FANCD2: variants seen among roughly 807,000 people sequenced by gnomAD.
FANCD2 encodes the protein FA complementation group D2.
Under a neutral mutation model 192.3 loss-of-function variants are expected in FANCD2, and 131 were observed. The observed-to-expected ratio is 0.68, with a 90% CI of 0.59 to 0.79. The LOEUF (loss-of-function observed/expected upper bound fraction) is 0.79. FANCD2 is among the 30% of genes least tolerant of loss of function. The pLI, the probability that FANCD2 is intolerant of heterozygous loss-of-function variation, is 0.00. For synonymous variants in FANCD2, 524 were observed against 612.5 expected (o/e 0.86, Z 2.13); for missense variants, 1,508 against 1,701.6 (o/e 0.89, Z 2.00).
intron 9 of FANCD2, chr3:10,041,355 C>T (rs938445902): frequency 2.1e-5 from 8 of 383,368 alleles, no homozygotes; most frequent in Non-Finnish European, 3.9e-5. Flanking sequence ...AGGATACATA[C>T]CAAACTAAAT....
chr3:10,061,126 G>A (rs1266112505), intron 19 of FANCD2, among the ~76,000 whole-genome samples: 1 of 152,138 alleles, frequency 6.6e-6, no homozygotes, highest in African/African-American at 2.4e-5. Context: ...CTGCAACTTT[G>A]GCATTATCAG....
At chr3:10,064,490 A>G (rs1192667340) in intron 22 of FANCD2, 61 bp downstream of exon 22, 2 of 1,465,192 alleles carry the variant, frequency 1.4e-6, no homozygotes, top group African/African-American at 2.8e-5. Flanking sequence ...TTCTGTCAGT[A>G]GCTGATACAA....
intron 19 of FANCD2, among the ~76,000 whole-genome samples, chr3:10,061,440 TGAA>T (rs1197976881): frequency 6.6e-6 from 1 of 152,190 alleles, no homozygotes; most frequent in Non-Finnish European, 1.5e-5. Context: ...GTTCAGTCAG[TGAA>T]GCCATACTGG....
intron 9 of FANCD2, chr3:10,041,222 A>G (rs752520384): frequency 6.6e-5 from 15 of 225,744 alleles, no homozygotes; most frequent in Non-Finnish European, 3.5e-5. Context: ...AACAAAAAAA[A>G]AAGCAATCTA....
chr3:10,081,375 T>C lies in FANCD2; in HGVS notation c.3135T>C (p.Val1045=). The C allele has an allele frequency of 6.2e-7, 1 of 1,614,104 alleles. No homozygotes were observed. The highest frequency in any genetic ancestry group is 8.5e-7 in the Non-Finnish European group (1 of 1,179,964). ...TAGCTGCTGAGAATCACGGTGTAGT[T>C]GATGGACCAGGAGTGAAAGTTCAGG... ...QCLAAENHGV[V]DGPGVKVQEY... is the part of the protein sequence containing the mutation. The change falls in exon 32 of 44, where the codon GTT becomes GTC. Residue 1045 remains valine, a synonymous_variant. Coordinates refer to ENST00000675286, the MANE Select transcript of FANCD2 (RefSeq NM_001018115.3).
intron 29 of FANCD2, among the ~76,000 whole-genome samples, 169 bp downstream of exon 29, chr3:10,074,842 TA>T (rs2125050386): frequency 6.6e-6 from 1 of 152,356 alleles, no homozygotes; most frequent in South Asian, 2.1e-4. Context: ...CTGGTGTTTG[TA>T]AGTCATAAGG....
At chr3:10,029,445 G>T (rs973353201) in intron 2 of FANCD2, among the ~76,000 whole-genome samples, 2 of 152,116 alleles carry the variant, frequency 1.3e-5, no homozygotes, top group Non-Finnish European at 2.9e-5. Context: ...AGGGTGCAAT[G>T]AGTCAATAAC....
chr3:10,060,182 A>C (rs1186260341), intron 18 of FANCD2, 112 bp from the exon 19 acceptor site: 7 of 729,688 alleles, frequency 9.6e-6, no homozygotes, highest in African/African-American at 5.4e-5. Context: ...AAAAAAAAAA[A>C]CAGTTAGTAA....
At chr3:10,054,388 T>TAC (rs2087320274) in intron 18 of FANCD2, among the ~76,000 whole-genome samples, 3 of 117,566 alleles carry the variant, frequency 2.6e-5, no homozygotes, top group East Asian at 2.2e-4. Flanking sequence ...CATATATATA[T>TAC]GTATATACGT....
At chr3:10,062,084 C>T (rs1230605855) in intron 19 of FANCD2, 67 bp from the exon 20 acceptor site, 140 of 1,213,914 alleles carry the variant, frequency 1.2e-4, no homozygotes, top group Non-Finnish European at 1.6e-4. Flanking sequence ...CAAACCTGCA[C>T]GTTGTGCACA....
rs758210208 is a variant in FANCD2 at position 10,098,743 on chromosome 3, T to C, written c.4209T>C (p.Asn1403=). 1.9e-6 allele frequency: 3 copies of C among 1,614,144 alleles called. No homozygotes were observed. In the Admixed American group the frequency reaches 5.0e-5, roughly 27 times the overall value. Residue 1403 remains asparagine (N), a synonymous_variant, in exon 43 of 44, where the codon AAT becomes AAC. Transcript: ENST00000675286. ...DLQGEEIKSQ[N]SQESTADESE... ...AGGGTGAAGAGATTAAGTCCCAAAA[T>C]TCCCAGGAGAGCACAGCAGATGAGA...
At chr3:10,069,534 G>A (rs2087819283) in intron 26 of FANCD2, among the ~76,000 whole-genome samples, 2 of 140,766 alleles carry the variant, frequency 1.4e-5, no homozygotes, top group South Asian at 4.4e-4. Flanking sequence ...CTGTACTGCT[G>A]CCATCTCGGC....
chr3:10,064,831 T>C lies in FANCD2; in HGVS notation c.2124T>C (p.Phe708=), dbSNP rs9809716. ...TGCCGCTGCTGTTTTCTCAGGACTT[T>C]GCAAAAGATGGGGGTCCGGTGACCT... The part of the protein sequence containing the change: ...NLLPLLFSQD[F]AKDGGPVTSQ... The change falls in exon 23 of 44, where the codon TTT becomes TTC. Residue 708 remains phenylalanine (F), a synonymous_variant. Transcript: ENST00000675286. 7,461 of 1,613,774 alleles carry C rather than the reference T, an allele frequency of 4.6e-3. 148 individuals are homozygous for C. In the African/African-American group the frequency reaches 0.088, roughly 19 times the overall value.
At chr3:10,031,910 G>T (rs965303968) in intron 2 of FANCD2, among the ~76,000 whole-genome samples, 1 of 152,200 alleles carries the variant, frequency 6.6e-6, no homozygotes, top group Middle Eastern at 3.4e-3. Context: ...GAAGTGGCGC[G>T]ATCTGGGCTC....
chr3:10,060,212 T>A lies in FANCD2; in HGVS notation c.1657-82T>A, dbSNP rs573659750. 103 of 928,394 alleles carry A rather than the reference T, an allele frequency of 1.1e-4. No homozygotes were observed. In the African/African-American group the frequency reaches 1.2e-3, roughly 11 times the overall value. The allele number at this position is 928,394 out of a possible 1,614,324, so 57.5% of individuals were successfully genotyped here. On this transcript the variant is annotated intron_variant, in intron 18 of 43. Coordinates refer to ENST00000675286, the MANE Select transcript of FANCD2 (RefSeq NM_001018115.3). ...TAGTAAACGGTAAACGCCTTTATAG[T>A]CTAGCTATATGGCTCGATATCCATA...
intron 14 of FANCD2, among the ~76,000 whole-genome samples, chr3:10,045,047 T>C (rs1456437128): frequency 6.6e-6 from 1 of 152,134 alleles, no homozygotes; most frequent in East Asian, 1.9e-4. Context: ...TAGTAAAATT[T>C]TTTTTGTTTT....
At chr3:10,099,145 T>G (rs1027101280) in intron 43 of FANCD2, 189 of 1,460,218 alleles carry the variant, frequency 1.3e-4, no homozygotes, top group Non-Finnish European at 1.6e-4. Context: ...TTCTGAGTGT[T>G]GAGAAGAATG....
chr3:10,065,723 T>C (rs2087700640), intron 24 of FANCD2, 141 bp from the exon 25 acceptor site: 4 of 715,654 alleles, frequency 5.6e-6, no homozygotes, highest in South Asian at 1.5e-5. Context: ...CTATATGATA[T>C]GCAAATATTT....
Position 10,090,482 on chromosome 3 carries a change from G to A in FANCD2, c.3777+97G>A, listed in dbSNP as rs1226165535. ...TTTTTTTTTTTTTTTCTGAGACAGA[G>A]TCTTGCTTGTTCTGTTGCCCAGACT... On this transcript the variant is annotated intron_variant, in intron 37 of 43. Transcript: ENST00000675286. The A allele has an allele frequency of 8.3e-6, 6 of 725,044 alleles. No individual in the cohort carries two copies. The Admixed American group carries it at 1.3e-4, about 16-fold the overall frequency. The allele number at this position is 725,044 out of a possible 1,614,324, so 44.9% of individuals were successfully genotyped here.
Sources: gnomAD v4.1 joint callset for allele counts (sites outside exome capture counted in the v4.1 genomes callset) on GRCh38, gnomAD v4.1.1 for gene constraint, MANE v1.5 for transcripts, NCBI Gene and HGNC (gene_info 2026-07-23, HGNC 2026-07-21) for gene names.